The following IGF2BP2 variants were observed in gnomAD, a reference collection of about 807,000 sequenced individuals.
IGF2BP2 encodes insulin like growth factor 2 mRNA binding protein 2.
In IGF2BP2, 17 loss-of-function variants were observed where a neutral mutation model predicts 75.8. The observed-to-expected ratio is 0.22, with a 90% confidence interval of 0.15 to 0.34. The LOEUF (loss-of-function observed/expected upper bound fraction) is 0.34, where lower values mean the gene tolerates loss of function less well. IGF2BP2 is among the 10% of genes least tolerant of loss of function. The pLI is 1.00. For synonymous variants in IGF2BP2, 288 were observed against 295.6 expected, an observed-to-expected ratio of 0.97 and a Z score of 0.26; for missense variants, 516 against 772.4, an observed-to-expected ratio of 0.67 and a Z score of 3.93.
intron 10 of IGF2BP2, among the ~76,000 whole-genome samples, chr3:185,667,308 A>T (rs1332735195): frequency 6.6e-6 from 1 of 152,204 alleles, no homozygotes; most frequent in Non-Finnish European, 1.5e-5. Flanking sequence ...CAACAACTAA[A>T]AATTAGTGTA....
At chr3:185,767,130 G>A (rs1355890523) in intron 2 of IGF2BP2, among the ~76,000 whole-genome samples, 1 of 152,200 alleles carries the variant, frequency 6.6e-6, no homozygotes, top group Non-Finnish European at 1.5e-5. Context: ...GAAGCTTCTC[G>A]ATGGTGGCAT....
At chr3:185,762,183 T>C (rs1336038173) in intron 2 of IGF2BP2, among the ~76,000 whole-genome samples, 1 of 151,148 alleles carries the variant, frequency 6.6e-6, no homozygotes, top group East Asian at 1.9e-4. Context: ...AGGTCAAGAG[T>C]TCGAGAGCAG....
At chr3:185,731,258 T>C (rs1249989580) in intron 2 of IGF2BP2, among the ~76,000 whole-genome samples, 1 of 151,100 alleles carries the variant, frequency 6.6e-6, no homozygotes, top group Non-Finnish European at 1.5e-5. Context: ...TTTTTTTTTT[T>C]TTTTTTGAGA....
intron 2 of IGF2BP2, chr3:185,713,459 C>T (rs758650745): frequency 1.9e-6 from 1 of 519,850 alleles, no homozygotes; most frequent in Non-Finnish European, 3.8e-6. Context: ...TGTCTAAGGC[C>T]CTTTCCAGAT....
intron 15 of IGF2BP2, among the ~76,000 whole-genome samples, chr3:185,646,588 A>AG (rs1418134534): frequency 3.3e-5 from 5 of 152,150 alleles, no homozygotes; most frequent in Non-Finnish European, 7.4e-5. Context: ...GAGGAGGAGG[A>AG]GAGAGAAATG....
chr3:185,823,487 G>A (rs571522615), intron 1 of IGF2BP2, among the ~76,000 whole-genome samples: 1 of 152,166 alleles, frequency 6.6e-6, no homozygotes, highest in Non-Finnish European at 1.5e-5. Context: ...ATAAAGAGCG[G>A]CGCCAATTTG....
chr3:185,666,984 A>G (rs1441536859), intron 10 of IGF2BP2, among the ~76,000 whole-genome samples: 1 of 152,204 alleles, frequency 6.6e-6, no homozygotes, highest in African/African-American at 2.4e-5. Flanking sequence ...TTTCCAGTTC[A>G]TTCTTTGAGG....
In IGF2BP2 at chr3:185,647,761, C is replaced by T. The variant is rs574699433; in HGVS notation, c.1594-623G>A. ...CACTGCCTGCATTGTTCATCCTCCC[C>T]GCTGCCTCACTGGGCCTGCTTCCCA... is the stretch of plus-strand genomic sequence containing the variant. On this transcript the variant is annotated intron_variant, in intron 14 of 15. Transcript: ENST00000382199. The surrounding 1 kb of genome is among the most constrained non-coding windows in gnomAD (Gnocchi z 4.9). Among the ~76,000 whole-genome samples the T allele has an allele frequency of 3.3e-5, 5 of 152,226 alleles. No individual in the cohort carries two copies. The highest frequency in any genetic ancestry group is 7.2e-5 in the African/African-American group (3 of 41,458).
intron 2 of IGF2BP2, chr3:185,713,111 A>G: frequency 3.5e-6 from 1 of 282,172 alleles, no homozygotes; most frequent in Non-Finnish European, 7.0e-6. Flanking sequence ...TGCAAGAGAC[A>G]TATATGTGTG....
intron 2 of IGF2BP2, among the ~76,000 whole-genome samples, chr3:185,711,223 A>C (rs1333316966): frequency 1.3e-5 from 2 of 152,232 alleles, no homozygotes; most frequent in African/African-American, 4.8e-5. Flanking sequence ...GGGAGACTAG[A>C]CTTTTGCACA....
chr3:185,816,163 T>C (rs1243851729), intron 2 of IGF2BP2, among the ~76,000 whole-genome samples: 2 of 152,172 alleles, frequency 1.3e-5, no homozygotes, highest in African/African-American at 2.4e-5. Flanking sequence ...ACATGGCACA[T>C]AGTCTTGACC....
At chr3:185,821,151 T>G in intron 2 of IGF2BP2, 6 of 1,466,000 alleles carry the variant, frequency 4.1e-6, no homozygotes, top group Non-Finnish European at 5.4e-6. Context: ...GTAGCTAATT[T>G]CTGCATTTAA....
intron 10 of IGF2BP2, among the ~76,000 whole-genome samples, chr3:185,662,204 G>C (rs541660465): frequency 2.1e-4 from 32 of 152,168 alleles, no homozygotes; most frequent in Middle Eastern, 3.4e-3. Flanking sequence ...CTGGCCAGAC[G>C]TGGTGGCTCA....
intron 4 of IGF2BP2, chr3:185,693,303 T>C (rs776495091): frequency 2.0e-5 from 3 of 152,320 alleles, no homozygotes; most frequent in Non-Finnish European, 2.9e-5. Flanking sequence ...ACTGGTCTCC[T>C]AGAAGTTTGT....
At chr3:185,772,837 C>T (rs1240810457) in intron 2 of IGF2BP2, among the ~76,000 whole-genome samples, 1 of 152,200 alleles carries the variant, frequency 6.6e-6, no homozygotes. Flanking sequence ...CCACCTCAGC[C>T]TCCCAAAGTG....
chr3:185,758,253 G>A (rs1731900550), intron 2 of IGF2BP2, among the ~76,000 whole-genome samples: 2 of 152,184 alleles, frequency 1.3e-5, no homozygotes, highest in South Asian at 4.1e-4. Context: ...ATAGCCTTAG[G>A]AGGTATGCAA....
intron 11 of IGF2BP2, among the ~76,000 whole-genome samples, chr3:185,657,773 G>A (rs186892348): frequency 1.3e-5 from 2 of 152,256 alleles, no homozygotes; most frequent in Admixed American, 1.3e-4. Flanking sequence ...GCCTGAAGAC[G>A]GCCCCAAGGC....
At chr3:185,707,852 G>T (rs953430370) in intron 2 of IGF2BP2, among the ~76,000 whole-genome samples, 1 of 152,122 alleles carries the variant, frequency 6.6e-6, no homozygotes, top group Non-Finnish European at 1.5e-5. Context: ...AACTCATTCT[G>T]TGCAATGTAG....
intron 2 of IGF2BP2, among the ~76,000 whole-genome samples, chr3:185,777,490 C>CA (rs1019446149): frequency 3.3e-5 from 5 of 151,670 alleles, no homozygotes; most frequent in Admixed American, 1.3e-4. Context: ...GACCCTGTCT[C>CA]AAAAAAACAA....
Sources: allele counts gnomAD v4.1 joint callset (sites outside exome capture counted in the v4.1 genomes callset), GRCh38; gene constraint gnomAD v4.1.1; non-coding constraint Gnocchi (gnomAD v3.1); transcripts MANE v1.5; gene names NCBI Gene and HGNC (gene_info 2026-07-23, HGNC 2026-07-21).